The following ERBB4 variants were observed in gnomAD, a reference collection of about 807,000 sequenced individuals.
The protein encoded by ERBB4 is erb-b2 receptor tyrosine kinase 4.
ERBB4 carries 42 observed loss-of-function variants against 158.0 expected under a neutral mutation model. That is an observed-to-expected ratio of 0.27 (90% CI 0.21 to 0.34). The LOEUF (loss-of-function observed/expected upper bound fraction) is 0.34, where lower values mean the gene tolerates loss of function less well. Ranked by LOEUF, ERBB4 falls within the 10% of genes least tolerant of loss-of-function variation. The probability of loss-of-function intolerance (pLI) is 1.00; values close to 1 mark genes in which losing one functional copy is unlikely to be tolerated. For synonymous variants in ERBB4, 583 were observed against 558.7 expected (o/e 1.04, Z -0.61); for missense variants, 1,333 against 1,624.1 (o/e 0.82, Z 3.08).
intron 3 of ERBB4, among the ~76,000 whole-genome samples, chr2:211,913,793 A>C (rs1321766329): frequency 6.6e-6 from 1 of 151,828 alleles, no homozygotes; most frequent in African/African-American, 2.4e-5. Context: ...ATTTCTATTG[A>C]CTATGAGTGT....
intron 12 of ERBB4, among the ~76,000 whole-genome samples, chr2:211,696,671 A>C (rs1236593423): frequency 2.0e-5 from 1 of 49,360 alleles, no homozygotes. Flanking sequence ...TTTTATTTTT[A>C]TTTATATATA....
chr2:211,974,061 C>A (rs1442346248), intron 2 of ERBB4, among the ~76,000 whole-genome samples: 1 of 152,078 alleles, frequency 6.6e-6, no homozygotes, highest in Non-Finnish European at 1.5e-5. Flanking sequence ...AGGCGAACAA[C>A]ACACACTGGA....
intron 5 of ERBB4, 131 bp from the exon 6 acceptor site, chr2:211,725,325 C>A: frequency 1.4e-6 from 1 of 701,978 alleles, no homozygotes; most frequent in Non-Finnish European, 2.6e-6. Flanking sequence ...ATGAGGTTTA[C>A]AACTAGATCA....
At chr2:211,727,904 T>G (rs1048197246) in intron 5 of ERBB4, among the ~76,000 whole-genome samples, 5 of 151,944 alleles carry the variant, frequency 3.3e-5, no homozygotes, top group African/African-American at 1.2e-4. Flanking sequence ...CATAAGCTTA[T>G]AGAAGATTTG....
intron 4 of ERBB4, among the ~76,000 whole-genome samples, chr2:211,754,317 T>A (rs2075230844): frequency 6.6e-6 from 1 of 152,156 alleles, no homozygotes; most frequent in African/African-American, 2.4e-5. Context: ...GAGAGCAGTG[T>A]TTAGGGGTTT....
chr2:211,823,269 T>A (rs971386851), intron 3 of ERBB4, among the ~76,000 whole-genome samples: 2 of 151,932 alleles, frequency 1.3e-5, no homozygotes, highest in Non-Finnish European at 2.9e-5. Context: ...AGGACATTCA[T>A]ATGGAAAATG....
At chr2:212,063,431 T>G (rs2077841337) in intron 2 of ERBB4, among the ~76,000 whole-genome samples, 1 of 152,140 alleles carries the variant, frequency 6.6e-6, no homozygotes, top group South Asian at 2.1e-4. Context: ...TGATGATGAC[T>G]GGCTAGTCAT....
intron 2 of ERBB4, among the ~76,000 whole-genome samples, chr2:212,020,001 C>T (rs1366960766): frequency 6.6e-6 from 1 of 152,114 alleles, no homozygotes; most frequent in Non-Finnish European, 1.5e-5. Flanking sequence ...AACATCCTTA[C>T]TCTGGAAAGT....
chr2:211,407,090 A>G (rs1464012075), intron 25 of ERBB4, among the ~76,000 whole-genome samples: 2 of 152,134 alleles, frequency 1.3e-5, no homozygotes, highest in African/African-American at 2.4e-5. Flanking sequence ...AAAAAAATAA[A>G]AATAAATTTT....
At chr2:212,315,625 A>G (rs924337269) in intron 1 of ERBB4, among the ~76,000 whole-genome samples, 1 of 151,396 alleles carries the variant, frequency 6.6e-6, no homozygotes, top group Non-Finnish European at 1.5e-5. Flanking sequence ...TTCCGGAGCT[A>G]TACAAATATC....
At chr2:212,029,841 T>A (rs1266324399) in intron 2 of ERBB4, among the ~76,000 whole-genome samples, 1 of 152,186 alleles carries the variant, frequency 6.6e-6, no homozygotes, top group Non-Finnish European at 1.5e-5. Flanking sequence ...ATACCACATC[T>A]GAAATGATGT....
rs145771787 is a variant in ERBB4, at chr2:211,692,829, T to A, written c.1489+9138A>T. Among the ~76,000 whole-genome samples the A allele has an allele frequency of 1.0e-3, 155 of 152,202 alleles. 1 individual carries two copies. Among genetic ancestry groups the A allele is most frequent in the African/African-American group, 3.4e-3 (142 of 41,480 alleles). ...GGTTCTGAAGATTTGAATGCAGTCA[T>A]CCTCAGGGGGCCATCATTCAGTCTT... is the stretch of plus-strand genomic sequence containing the variant. On this transcript the variant is annotated intron_variant, in intron 12 of 27. Transcript: ENST00000342788.
chr2:211,663,252 G>T (rs188649796), intron 15 of ERBB4, among the ~76,000 whole-genome samples: 45 of 152,340 alleles, frequency 3.0e-4, no homozygotes, highest in African/African-American at 1.0e-3. Flanking sequence ...TATGAAGTGA[G>T]TGAATCTGGA....
At chr2:211,520,987 C>T (rs1315906313) in intron 20 of ERBB4, among the ~76,000 whole-genome samples, 1 of 152,136 alleles carries the variant, frequency 6.6e-6, no homozygotes, top group Non-Finnish European at 1.5e-5. Context: ...ATTACCCAAT[C>T]TTTTCCCATC....
intron 3 of ERBB4, among the ~76,000 whole-genome samples, chr2:211,826,215 T>A (rs912218645): frequency 1.3e-5 from 2 of 151,684 alleles, no homozygotes; most frequent in African/African-American, 4.8e-5. Flanking sequence ...TTAGTAAGAA[T>A]CATAGAGTGC....
intron 3 of ERBB4, among the ~76,000 whole-genome samples, chr2:211,920,158 G>A (rs1369980003): frequency 6.6e-6 from 1 of 151,884 alleles, no homozygotes; most frequent in Non-Finnish European, 1.5e-5. Flanking sequence ...TTGATTTAGG[G>A]TCACCTTACA....
intron 1 of ERBB4, among the ~76,000 whole-genome samples, chr2:212,536,320 G>C (rs1054435224): frequency 6.6e-6 from 1 of 152,096 alleles, no homozygotes; most frequent in Non-Finnish European, 1.5e-5. Flanking sequence ...GGGGGTGGGG[G>C]AGGATGAAAA....
chr2:211,639,729 AC>A (rs2070500195), intron 16 of ERBB4, among the ~76,000 whole-genome samples: 1 of 151,992 alleles, frequency 6.6e-6, no homozygotes, highest in Non-Finnish European at 1.5e-5. Flanking sequence ...GGGTTTGCAA[AC>A]TTTTTTTTTG....
intron 2 of ERBB4, among the ~76,000 whole-genome samples, chr2:212,030,335 C>T (rs1458728414): frequency 6.6e-6 from 1 of 152,094 alleles, no homozygotes; most frequent in Admixed American, 6.6e-5. Context: ...CACTTTCTCC[C>T]CTATCCAGTC....
Sources: gnomAD v4.1 joint callset for allele counts (sites outside exome capture counted in the v4.1 genomes callset) on GRCh38, gnomAD v4.1.1 for gene constraint, MANE v1.5 for transcripts, NCBI Gene and HGNC (gene_info 2026-07-23, HGNC 2026-07-21) for gene names.